The following LY96 variants were observed in gnomAD, a reference collection of about 807,000 sequenced individuals.
LY96 encodes the protein myeloid differentiation protein-2.
Under a neutral mutation model 18.9 loss-of-function variants are expected in LY96, and 18 were observed. The observed-to-expected ratio is 0.95, with a 90% CI of 0.66 to 1.41. The LOEUF (loss-of-function observed/expected upper bound fraction) is 1.41. Among genes scored for constraint, LY96 ranks in the 40% most tolerant of loss-of-function variants. The pLI, the probability that LY96 is intolerant of heterozygous loss-of-function variation, is 0.00. For synonymous variants in LY96, 66 were observed against 62.6 expected, an observed-to-expected ratio of 1.06 and a Z score of -0.26; for missense variants, 175 against 182.4, an observed-to-expected ratio of 0.96 and a Z score of 0.23.
At chr8:74,020,752 C>T (rs570846053) in intron 3 of LY96, among the ~76,000 whole-genome samples, 2 of 152,256 alleles carry the variant, frequency 1.3e-5, no homozygotes, top group Admixed American at 6.5e-5. Context: ...ACAGAGGCCT[C>T]AGAAATAACA....
At chr8:74,084,279 ATG>A in the LY96 span, among the ~76,000 whole-genome samples, 34 of 152,156 alleles carry the variant, frequency 2.2e-4, no homozygotes, top group Admixed American at 2.2e-3. Flanking sequence ...TCCTTCTATG[ATG>A]TGAGCAGTCC....
chr8:74,010,095 T>G lies in LY96; in HGVS notation c.297T>G (p.Asp99Glu). 6.2e-7 allele frequency: 1 copy of G among 1,613,420 alleles called. No homozygotes were observed. Among genetic ancestry groups the G allele is most frequent in the Non-Finnish European group, 8.5e-7 (1 of 1,179,482 alleles). ...KRKEVICRGS[D>E]DDYSFCRALK... ...AAGAAGTTATTTGCCGAGGATCTGA[T>G]GACGATTACTCTTTTTGCAGAGCTC... The change falls in exon 3 of 5, where the codon GAT becomes GAG. Residue 99 changes from aspartate (D) to glutamate (E), a missense_variant. Transcript: ENST00000284818.
chr8:74,032,074 G>A (rs1417886905), downstream of LY96, among the ~76,000 whole-genome samples: 2 of 152,218 alleles, frequency 1.3e-5, no homozygotes, highest in African/African-American at 4.8e-5. Flanking sequence ...GCAGTGAGCC[G>A]AAATTGTGCC....
At chr8:74,039,538 C>CT in the LY96 span, among the ~76,000 whole-genome samples, 25 of 152,178 alleles carry the variant, frequency 1.6e-4, no homozygotes, top group African/African-American at 5.3e-4. Context: ...CTCTGAATGG[C>CT]TGGGCGTGCT....
At chr8:74,037,973 G>A in the LY96 span, among the ~76,000 whole-genome samples, 1 of 152,108 alleles carries the variant, frequency 6.6e-6, no homozygotes, top group East Asian at 1.9e-4. Flanking sequence ...AGTGCCTAGG[G>A]TCCTCAAAAA....
At chr8:74,007,673 T>C (rs1253681423) in intron 2 of LY96, among the ~76,000 whole-genome samples, 1 of 152,222 alleles carries the variant, frequency 6.6e-6, no homozygotes, top group Non-Finnish European at 1.5e-5. Context: ...GAGCATAAGC[T>C]TCCTTCAAGG....
chr8:74,057,779 C>G, the LY96 span, among the ~76,000 whole-genome samples: 3 of 152,208 alleles, frequency 2.0e-5, no homozygotes, highest in Admixed American at 6.5e-5. Context: ...CAGGCTCACA[C>G]CTGCAATTTT....
At chr8:74,015,632 G>A (rs1816625297) in intron 3 of LY96, among the ~76,000 whole-genome samples, 2 of 152,178 alleles carry the variant, frequency 1.3e-5, no homozygotes, top group African/African-American at 4.8e-5. Flanking sequence ...ACAGGCACTG[G>A]AGGTTAGGGC....
chr8:74,084,757 GCGCC>G, the LY96 span, among the ~76,000 whole-genome samples: 1 of 152,150 alleles, frequency 6.6e-6, no homozygotes, highest in South Asian at 2.1e-4. Flanking sequence ...GGGATTACAG[GCGCC>G]TGCCACCACG....
intron 1 of LY96, among the ~76,000 whole-genome samples, chr8:73,996,317 T>TTTCCTTCCTTCCTTCCTTCC (rs58734426): frequency 1.2e-4 from 14 of 116,390 alleles, no homozygotes; most frequent in East Asian, 2.6e-4. Flanking sequence ...ACCTGTTTCT[T>TTTCCTTCCTTCCTTCCTTCC]TTCCTTCCTT....
the LY96 span, among the ~76,000 whole-genome samples, chr8:74,085,415 CA>C: frequency 5.2e-3 from 796 of 152,290 alleles, 5 homozygotes; most frequent in African/African-American, 0.019. Flanking sequence ...GATGGCTTCC[CA>C]AGGTTGAAAT....
the LY96 span, among the ~76,000 whole-genome samples, chr8:74,053,058 C>A: frequency 1.3e-5 from 2 of 152,168 alleles, no homozygotes. Context: ...CATCCCACGG[C>A]CCCTGAAACT....
At chr8:74,086,492 T>G in the LY96 span, among the ~76,000 whole-genome samples, 1 of 152,206 alleles carries the variant, frequency 6.6e-6, no homozygotes, top group Non-Finnish European at 1.5e-5. Context: ...TTTCCATGGC[T>G]GTTATAACAG....
the LY96 span, among the ~76,000 whole-genome samples, chr8:74,034,256 C>T: frequency 6.6e-6 from 1 of 152,034 alleles, no homozygotes; most frequent in African/African-American, 2.4e-5. Context: ...CCTGTAATCC[C>T]AGCTACTCGG....
chr8:74,087,305 G>A, the LY96 span, among the ~76,000 whole-genome samples: 2 of 152,128 alleles, frequency 1.3e-5, no homozygotes. Context: ...CTCCTGTGTC[G>A]ACATCTTGGG....
the LY96 span, among the ~76,000 whole-genome samples, chr8:74,060,841 A>G: frequency 6.6e-6 from 1 of 152,214 alleles, no homozygotes; most frequent in Admixed American, 6.5e-5. Flanking sequence ...GGGTAATTCC[A>G]GGCCCACGTG....
At chr8:74,072,293 T>C in the LY96 span, among the ~76,000 whole-genome samples, 10 of 152,210 alleles carry the variant, frequency 6.6e-5, no homozygotes. Flanking sequence ...AAATTGTTTA[T>C]CTTGCAAGCC....
the LY96 span, among the ~76,000 whole-genome samples, chr8:74,047,342 A>G: frequency 6.6e-6 from 1 of 152,234 alleles, no homozygotes; most frequent in Non-Finnish European, 1.5e-5. Context: ...TTCCTTGCAC[A>G]GCCAAGAAGG....
At chr8:73,992,205 C>T (rs1010332210) in intron 1 of LY96, among the ~76,000 whole-genome samples, 3 of 152,028 alleles carry the variant, frequency 2.0e-5, no homozygotes, top group Non-Finnish European at 4.4e-5. Flanking sequence ...CTGGCTGTGT[C>T]ACTGTCCCCT....
Sources: gnomAD v4.1 joint callset for allele counts (sites outside exome capture counted in the v4.1 genomes callset) on GRCh38, gnomAD v4.1.1 for gene constraint, MANE v1.5 for transcripts, NCBI Gene and HGNC (gene_info 2026-07-23, HGNC 2026-07-21) for gene names.